The following METTL4 variants were observed in gnomAD, a reference collection of about 807,000 sequenced individuals.
METTL4 encodes methyltransferase 4, N6-adenosine, also known as N(6)-adenine-specific methyltransferase METTL4.
A neutral mutation model predicts 54.0 loss-of-function variants in METTL4; 40 were observed. That is an observed-to-expected ratio of 0.74 (90% CI 0.58 to 0.96). The LOEUF is 0.96. Among genes scored for constraint, METTL4 ranks in the 50% least tolerant of loss-of-function variants. The probability of loss-of-function intolerance (pLI) is 0.00; values close to 1 mark genes in which losing one functional copy is unlikely to be tolerated. For synonymous variants in METTL4, 169 were observed against 183.8 expected (o/e 0.92, Z 0.65); for missense variants, 525 against 549.0 (o/e 0.96, Z 0.44).
intron 8 of METTL4, among the ~76,000 whole-genome samples, chr18:2,542,047 A>G (rs1293243092): frequency 1.3e-5 from 2 of 152,164 alleles, no homozygotes; most frequent in Admixed American, 6.5e-5. Flanking sequence ...AAGATTTTAT[A>G]TATATATGGA....
intron 8 of METTL4, among the ~76,000 whole-genome samples, chr18:2,543,398 T>C (rs1277392864): frequency 6.6e-6 from 1 of 152,188 alleles, no homozygotes; most frequent in Non-Finnish European, 1.5e-5. Context: ...AAATTCAGTA[T>C]CTCTCAAGGA....
At position 2,539,008 on chromosome 18, in the gene METTL4, C is replaced by T; in HGVS notation, c.1411G>A (p.Gly471Arg). Residue 471 changes from glycine (G) to arginine (R), a missense_variant, in exon 9 of 9, where the codon GGA (glycine) becomes AGA (arginine). Transcript: ENST00000574538. ...TTTAATCAAGATCATAGTCAGCTTC[C>T]AGACTCCACAGCAATAAAATAATCC... ...HVDYFIAVES[G>R]S 1 of 1,613,484 alleles carries T rather than the reference C, an allele frequency of 6.2e-7. No individual in the cohort carries two copies. Among genetic ancestry groups the T allele is most frequent in the Non-Finnish European group, 8.5e-7 (1 of 1,179,764 alleles).
At chr18:2,551,222 T>C (rs1204237455) in intron 5 of METTL4, among the ~76,000 whole-genome samples, 2 of 150,492 alleles carry the variant, frequency 1.3e-5, no homozygotes, top group Admixed American at 6.6e-5. Flanking sequence ...ATTTTGATAA[T>C]TACATTATGT....
intron 6 of METTL4, 96 bp downstream of exon 6, chr18:2,547,259 G>T: frequency 1.0e-6 from 1 of 968,548 alleles, no homozygotes; most frequent in Non-Finnish European, 1.5e-6. Context: ...TGTTGAAGGA[G>T]TACAGCAGTG....
intron 3 of METTL4, chr18:2,561,405 CA>C (rs1283139005): frequency 3.9e-5 from 6 of 152,120 alleles, no homozygotes; most frequent in African/African-American, 1.4e-4. Flanking sequence ...TACACAACGA[CA>C]AAACAAAACG....
At position 2,551,373 on chromosome 18, in the gene METTL4, T is replaced by C. The variant is rs78912019; in HGVS notation, c.899+1322A>G. On this transcript the variant is annotated intron_variant, in intron 5 of 8. Coordinates refer to ENST00000574538, the MANE Select transcript of METTL4 (RefSeq NM_022840.5). ...GATATCTGCACACACAGAAAACAGATACATGAATTCTTTGTATGATTCTTG... is the reference window on the plus strand; with the variant it reads ...GATATCTGCACACACAGAAAACAGACACATGAATTCTTTGTATGATTCTTG... Among the ~76,000 whole-genome samples, 12 of 152,166 alleles carry C rather than the reference T, an allele frequency of 7.9e-5. No individual in the cohort carries two copies. The East Asian group carries it at 2.3e-3, about 29-fold the overall frequency.
In METTL4 at chr18:2,547,543, G is replaced by T; in HGVS notation, c.900-14C>A. 1 of 1,545,446 alleles carries T rather than the reference G, an allele frequency of 6.5e-7. No homozygotes were observed. The highest frequency in any genetic ancestry group is 8.7e-7 in the Non-Finnish European group (1 of 1,145,170). The stretch of plus-strand genomic sequence containing the variant: ...AAATAACTGTACCTAAAAATAAACG[G>T]AAAAAAGGATGAGCAAAATTCACTG... On this transcript the variant is annotated splice_polypyrimidine_tract_variant and intron_variant, in intron 5 of 8. Coordinates refer to ENST00000574538, the MANE Select transcript of METTL4 (RefSeq NM_022840.5).
chr18:2,556,534 G>C lies in METTL4; in HGVS notation c.460-1496C>G, dbSNP rs142814229. ...AGAAGCAGAAAAATTTATTATAAAA[G>C]GAAAAAATCACCAAATGGAAACATA... On this transcript the variant is annotated intron_variant, in intron 3 of 8. Transcript: ENST00000574538. Among the ~76,000 whole-genome samples, 253 of 151,808 alleles carry C rather than the reference G, an allele frequency of 1.7e-3. 2 individuals are homozygous for C. Among genetic ancestry groups the C allele is most frequent in the African/African-American group, 5.6e-3 (233 of 41,396 alleles).
At position 2,537,530 on chromosome 18, in the gene METTL4, T is replaced by A; in HGVS notation, c.*1470A>T. ...GAAGCTGGAAAGAATTCAAATGAGA[T>A]CATGAGAAGTTTGCTTCAAGTTTAA... On this transcript the variant is annotated 3_prime_UTR_variant, in exon 9 of 9. Coordinates refer to ENST00000574538, the MANE Select transcript of METTL4 (RefSeq NM_022840.5). 5.3e-6 allele frequency: 1 copy of A among 186,996 alleles called. No homozygotes were observed. The highest frequency in any genetic ancestry group is 1.9e-4 in the South Asian group (1 of 5,164). 11.6% of individuals were successfully genotyped at this position (186,996 alleles called of 1,614,324 possible).
rs1214160206 is a variant in METTL4 at position 2,538,189 on chromosome 18, T to C, written c.*811A>G. 2.9e-6 allele frequency: 1 copy of C among 342,926 alleles called. No homozygotes were observed. The highest frequency in any genetic ancestry group is 2.1e-5 in the African/African-American group (1 of 47,488). 21.2% of individuals were successfully genotyped at this position (342,926 alleles called of 1,614,324 possible). A position where few individuals can be genotyped will look rare whatever the true frequency, so the allele number is the denominator to read the frequency against. ...AGAAAATCTATAAATAATATTTTTT[T>C]CACAATCACACTGTTTACTTGCTGC... is the stretch of plus-strand genomic sequence containing the variant. On this transcript the variant is annotated 3_prime_UTR_variant, in exon 9 of 9. Coordinates refer to ENST00000574538, the MANE Select transcript of METTL4 (RefSeq NM_022840.5).
At chr18:2,568,359 G>A (rs79540180) in intron 1 of METTL4, 2 of 152,358 alleles carry the variant, frequency 1.3e-5, no homozygotes, top group East Asian at 3.9e-4. Context: ...GAGGGAAGAA[G>A]GGGCGAGCCT....
chr18:2,550,002 A>T (rs1249973311), intron 5 of METTL4, among the ~76,000 whole-genome samples: 4 of 151,762 alleles, frequency 2.6e-5, no homozygotes, highest in Non-Finnish European at 5.9e-5. Context: ...CTCAAAAAAA[A>T]TAAAATAAAA....
At chr18:2,558,332 C>A (rs1384664047) in intron 3 of METTL4, among the ~76,000 whole-genome samples, 1 of 151,810 alleles carries the variant, frequency 6.6e-6, no homozygotes, top group East Asian at 1.9e-4. Context: ...AAACTCATTA[C>A]CTGGAAATGA....
intron 3 of METTL4, 25 bp downstream of exon 3, chr18:2,563,772 T>G: frequency 6.5e-7 from 1 of 1,531,582 alleles, no homozygotes; most frequent in Non-Finnish European, 8.9e-7. Context: ...TCTTCCAATG[T>G]GATCAATGAA....
At chr18:2,540,398 T>C (rs1033646810) in intron 8 of METTL4, 271 of 981,028 alleles carry the variant, frequency 2.8e-4, no homozygotes, top group Non-Finnish European at 3.2e-4. Flanking sequence ...TGATAAGGGT[T>C]CTTTAGGAAT....
intron 5 of METTL4, among the ~76,000 whole-genome samples, chr18:2,552,097 G>A (rs535802036): frequency 5.7e-4 from 87 of 152,240 alleles, no homozygotes; most frequent in Non-Finnish European, 8.1e-4. Context: ...GGAGGCTGAG[G>A]AAGAAGAATC....
At chr18:2,549,814 T>G (rs989842939) in intron 5 of METTL4, among the ~76,000 whole-genome samples, 5 of 88,984 alleles carry the variant, frequency 5.6e-5, no homozygotes, top group African/African-American at 2.5e-4. Context: ...AAACCCCATC[T>G]CTACTAAAAA....
At chr18:2,560,183 G>A (rs572826873) in intron 3 of METTL4, among the ~76,000 whole-genome samples, 3 of 152,002 alleles carry the variant, frequency 2.0e-5, no homozygotes, top group East Asian at 1.9e-4. Context: ...ACAACACATC[G>A]GAACGTACAT....
intron 3 of METTL4, among the ~76,000 whole-genome samples, chr18:2,558,367 T>C (rs368756798): frequency 3.9e-5 from 6 of 152,232 alleles, no homozygotes; most frequent in Admixed American, 1.3e-4. Context: ...AAATAATTCA[T>C]ATAGGTCAAA....
Sources: allele counts gnomAD v4.1 joint callset (sites outside exome capture counted in the v4.1 genomes callset), GRCh38; gene constraint gnomAD v4.1.1; transcripts MANE v1.5; gene names NCBI Gene and HGNC (gene_info 2026-07-23, HGNC 2026-07-21).